Variants in L3MBTL4 observed in about 807,000 individuals in gnomAD.
L3MBTL4 encodes the protein L3MBTL histone methyl-lysine binding protein 4.
A neutral mutation model predicts 84.5 loss-of-function variants in L3MBTL4; 70 were observed. That is an observed-to-expected ratio of 0.83 (90% CI 0.68 to 1.01). L3MBTL4 has a LOEUF of 1.01. Ranked by LOEUF, L3MBTL4 falls within the 50% of genes least tolerant of loss-of-function variation. The pLI, the probability that L3MBTL4 is intolerant of heterozygous loss-of-function variation, is 0.00. For missense variants in L3MBTL4, 715 were observed against 754.8 expected (o/e 0.95, Z 0.62); for synonymous variants, 274 against 259.8 (o/e 1.05, Z -0.52).
intron 4 of L3MBTL4, among the ~76,000 whole-genome samples, chr18:6,285,434 G>A (rs78898889): frequency 0.05 from 7,574 of 152,242 alleles, 559 homozygotes; most frequent in African/African-American, 0.16. Flanking sequence ...CGATTTCCAT[G>A]TGAGATTTCA....
At chr18:6,079,206 G>A (rs912776724) in intron 16 of L3MBTL4, among the ~76,000 whole-genome samples, 3 of 152,130 alleles carry the variant, frequency 2.0e-5, no homozygotes, top group Non-Finnish European at 4.4e-5. Context: ...TTGACAAAAG[G>A]CTAGACTAGA....
intron 13 of L3MBTL4, among the ~76,000 whole-genome samples, chr18:6,170,890 C>A (rs1039631844): frequency 6.6e-6 from 1 of 152,118 alleles, no homozygotes; most frequent in Admixed American, 6.6e-5. Context: ...GACCATGGTC[C>A]TCTTCATTCT....
Position 5,987,858 on chromosome 18 carries a change from A to G in L3MBTL4, c.1445-18296T>C, listed in dbSNP as rs1319563750. Among the ~76,000 whole-genome samples the G allele has an allele frequency of 2.0e-5, 3 of 151,832 alleles. No homozygotes were observed. The East Asian group carries it at 5.8e-4, about 29-fold the overall frequency. On this transcript the variant is annotated intron_variant, in intron 16 of 18. Transcript: ENST00000317931. ...GCAAGAGATTGCTTGCTGTCTTTGC[A>G]TGTAGTTTCATTTCAGGACTTAATT...
chr18:6,228,437 G>C (rs997975536), intron 10 of L3MBTL4, among the ~76,000 whole-genome samples: 2 of 151,990 alleles, frequency 1.3e-5, no homozygotes, highest in Non-Finnish European at 2.9e-5. Flanking sequence ...GAACAATATT[G>C]TTCAGAAAAT....
intron 16 of L3MBTL4, among the ~76,000 whole-genome samples, chr18:6,037,670 T>C (rs1439305222): frequency 1.3e-5 from 2 of 152,364 alleles, no homozygotes; most frequent in East Asian, 3.9e-4. Context: ...GTATTCTGCT[T>C]GCAGTATGCA....
intron 16 of L3MBTL4, among the ~76,000 whole-genome samples, chr18:6,059,833 T>C (rs1363923626): frequency 1.3e-5 from 2 of 152,212 alleles, no homozygotes; most frequent in Non-Finnish European, 2.9e-5. Flanking sequence ...TTAGAATGCC[T>C]AGAGGCCATT....
chr18:6,028,656 T>A (rs1039932377), intron 16 of L3MBTL4, among the ~76,000 whole-genome samples: 2 of 152,218 alleles, frequency 1.3e-5, no homozygotes, highest in Non-Finnish European at 2.9e-5. Flanking sequence ...TATTGATTCT[T>A]CCTATCCATA....
chr18:6,333,950 C>T (rs1401500902), intron 1 of L3MBTL4, among the ~76,000 whole-genome samples: 1 of 152,184 alleles, frequency 6.6e-6, no homozygotes, highest in Admixed American at 6.5e-5. Flanking sequence ...ATATAGAACA[C>T]ATCATGTATG....
intron 13 of L3MBTL4, among the ~76,000 whole-genome samples, chr18:6,163,272 G>GTGT (rs2043445920): frequency 6.3e-5 from 6 of 94,884 alleles, no homozygotes; most frequent in South Asian, 5.1e-4. Context: ...GGGGGGGGTG[G>GTGT]GTGTGTGTGT....
chr18:6,011,222 G>C (rs930281088), intron 16 of L3MBTL4, among the ~76,000 whole-genome samples: 8 of 152,060 alleles, frequency 5.3e-5, no homozygotes, highest in Non-Finnish European at 1.0e-4. Flanking sequence ...TTTTAATGCT[G>C]GCTGAAAATA....
At chr18:6,208,752 T>C (rs922793535) in intron 12 of L3MBTL4, among the ~76,000 whole-genome samples, 2 of 152,204 alleles carry the variant, frequency 1.3e-5, no homozygotes, top group African/African-American at 4.8e-5. Context: ...AGAATAATTA[T>C]TAAACATAAT....
chr18:6,293,518 T>A (rs56303927), intron 4 of L3MBTL4, among the ~76,000 whole-genome samples: 28,736 of 152,038 alleles, frequency 0.19, 2,854 homozygotes, highest in African/African-American at 0.24. Flanking sequence ...ATGAGTCCAT[T>A]AAGAAATAAA....
chr18:6,401,829 G>A (rs2055524301), intron 1 of L3MBTL4, among the ~76,000 whole-genome samples: 1 of 152,244 alleles, frequency 6.6e-6, no homozygotes, highest in African/African-American at 2.4e-5. Context: ...AGGCAAGTGT[G>A]CGGTGTGCAA....
chr18:6,291,453 T>C (rs901078322), intron 4 of L3MBTL4, among the ~76,000 whole-genome samples: 1 of 152,016 alleles, frequency 6.6e-6, no homozygotes, highest in African/African-American at 2.4e-5. Flanking sequence ...AAATTTACTA[T>C]AAAACTATAG....
At chr18:6,032,960 G>A (rs913088502) in intron 16 of L3MBTL4, among the ~76,000 whole-genome samples, 2 of 152,114 alleles carry the variant, frequency 1.3e-5, no homozygotes, top group Non-Finnish European at 2.9e-5. Context: ...TTTTGTCCTG[G>A]AGAATGTTTC....
At chr18:6,350,271 C>A (rs1427346015) in intron 1 of L3MBTL4, among the ~76,000 whole-genome samples, 1 of 152,070 alleles carries the variant, frequency 6.6e-6, no homozygotes, top group African/African-American at 2.4e-5. Context: ...AAGCTGAAAA[C>A]GTTTGTGCAT....
intron 4 of L3MBTL4, among the ~76,000 whole-genome samples, chr18:6,291,483 C>G (rs748904070): frequency 8.5e-5 from 13 of 152,202 alleles, no homozygotes; most frequent in Non-Finnish European, 1.5e-4. Flanking sequence ...CAGCATGGTA[C>G]TGGCATAGAA....
intron 5 of L3MBTL4, among the ~76,000 whole-genome samples, chr18:6,250,459 G>C (rs915906343): frequency 1.3e-5 from 2 of 152,176 alleles, no homozygotes; most frequent in African/African-American, 4.8e-5. Flanking sequence ...AGTAGAATGG[G>C]GAAGGTCTGT....
At chr18:6,270,940 C>G (rs2048840071) in intron 4 of L3MBTL4, among the ~76,000 whole-genome samples, 1 of 152,292 alleles carries the variant, frequency 6.6e-6, no homozygotes, top group Admixed American at 6.5e-5. Context: ...GAGAGACAGG[C>G]AGTGGAGACT....
Sources: allele counts gnomAD v4.1 joint callset (sites outside exome capture counted in the v4.1 genomes callset), GRCh38; gene constraint gnomAD v4.1.1; transcripts MANE v1.5; gene names NCBI Gene and HGNC (gene_info 2026-07-23, HGNC 2026-07-21).